TMEM108: variants seen among roughly 807,000 people sequenced by gnomAD.
TMEM108 encodes transmembrane protein 108.
TMEM108 carries 12 observed loss-of-function variants against 35.1 expected under a neutral mutation model. That is an observed-to-expected ratio of 0.34 (90% CI 0.22 to 0.55). The LOEUF (loss-of-function observed/expected upper bound fraction) is 0.55, where lower values mean the gene tolerates loss of function less well. TMEM108 is among the 20% of genes least tolerant of loss of function. TMEM108 has a pLI of 0.89. For synonymous variants in TMEM108, 287 were observed against 308.6 expected (o/e 0.93, Z 0.73); for missense variants, 680 against 753.3 (o/e 0.90, Z 1.14).
At chr3:133,190,357 A>T (rs1348436424) in intron 2 of TMEM108, among the ~76,000 whole-genome samples, 1 of 152,176 alleles carries the variant, frequency 6.6e-6, no homozygotes. Flanking sequence ...TCATTTTCCT[A>T]TCAAGAAAAT....
intron 1 of TMEM108, among the ~76,000 whole-genome samples, chr3:133,044,861 G>GT (rs1442780673): frequency 1.3e-5 from 2 of 152,162 alleles, no homozygotes; most frequent in African/African-American, 4.8e-5. Flanking sequence ...GGAGGCTGAG[G>GT]TGCGAGGATC....
intron 3 of TMEM108, among the ~76,000 whole-genome samples, chr3:133,379,262 G>A (rs2072931385): frequency 6.6e-6 from 1 of 152,196 alleles, no homozygotes; most frequent in Non-Finnish European, 1.5e-5. Context: ...TCAGAAAAGG[G>A]CATAAGAGTT....
chr3:133,116,339 A>T (rs893788003), intron 2 of TMEM108, among the ~76,000 whole-genome samples: 2 of 152,202 alleles, frequency 1.3e-5, no homozygotes, highest in Admixed American at 6.5e-5. Flanking sequence ...CTGATGTCTT[A>T]TACTTCTTAG....
intron 3 of TMEM108, among the ~76,000 whole-genome samples, chr3:133,356,768 T>C (rs1331700423): frequency 6.6e-6 from 1 of 152,184 alleles, no homozygotes; most frequent in African/African-American, 2.4e-5. Context: ...GCAAGTCATA[T>C]GTAGAAGAAT....
At chr3:133,064,886 T>C (rs562686551) in intron 2 of TMEM108, among the ~76,000 whole-genome samples, 11 of 152,142 alleles carry the variant, frequency 7.2e-5, no homozygotes, top group Admixed American at 2.6e-4. Flanking sequence ...CAGCCAAAGT[T>C]GGTTTACTGG....
At position 133,060,037 on chromosome 3, in the gene TMEM108, A is replaced by AT. The variant is rs573270612; in HGVS notation, c.-47+14023dup. Among the ~76,000 whole-genome samples, 314 of 151,834 alleles carry AT rather than the reference A, an allele frequency of 2.1e-3. 1 individual carries two copies. The highest frequency in any genetic ancestry group is 7.2e-3 in the African/African-American group (299 of 41,246). On this transcript the variant is annotated intron_variant, in intron 2 of 5. Transcript: ENST00000321871. The stretch of plus-strand genomic sequence containing the variant: ...TAGAGGTCATCTGGTTTACCACCTC[A>AT]TTTTTTGATCATCAGTTTATTTGTT...
At chr3:133,108,226 A>C (rs766168736) in intron 2 of TMEM108, among the ~76,000 whole-genome samples, 1 of 152,058 alleles carries the variant, frequency 6.6e-6, no homozygotes, top group Non-Finnish European at 1.5e-5. Flanking sequence ...GTGACACTTC[A>C]TCTTAAAAAA....
At chr3:133,136,705 G>A (rs2107750680) in intron 2 of TMEM108, among the ~76,000 whole-genome samples, 1 of 152,314 alleles carries the variant, frequency 6.6e-6, no homozygotes, top group Non-Finnish European at 1.5e-5. Context: ...GGTAGGAAGA[G>A]GATCCCGTCA....
chr3:133,343,929 A>T (rs1001549161), intron 3 of TMEM108, among the ~76,000 whole-genome samples: 1 of 151,886 alleles, frequency 6.6e-6, no homozygotes, highest in Non-Finnish European at 1.5e-5. Context: ...TTTAAACTGC[A>T]TAGGTCTACT....
intron 3 of TMEM108, among the ~76,000 whole-genome samples, chr3:133,302,289 A>G (rs951333332): frequency 6.6e-6 from 1 of 152,188 alleles, no homozygotes; most frequent in Non-Finnish European, 1.5e-5. Flanking sequence ...GGGTGTGCAC[A>G]CACACACACT....
intron 3 of TMEM108, among the ~76,000 whole-genome samples, chr3:133,364,243 C>T (rs2072439638): frequency 6.6e-6 from 1 of 152,224 alleles, no homozygotes; most frequent in Non-Finnish European, 1.5e-5. Context: ...TTACCACAAG[C>T]CTTTCCTGCT....
chr3:133,112,050 C>G (rs1944231332), intron 2 of TMEM108, among the ~76,000 whole-genome samples: 1 of 152,024 alleles, frequency 6.6e-6, no homozygotes, highest in Non-Finnish European at 1.5e-5. Flanking sequence ...ACATTAAGAG[C>G]AAGACAGTTT....
intron 2 of TMEM108, among the ~76,000 whole-genome samples, chr3:133,086,558 A>T (rs1943884297): frequency 6.6e-6 from 1 of 152,200 alleles, no homozygotes; most frequent in Admixed American, 6.5e-5. Context: ...AGTTTAATGA[A>T]CTATTACGAG....
intron 2 of TMEM108, among the ~76,000 whole-genome samples, chr3:133,158,638 T>G (rs1403906856): frequency 6.6e-6 from 1 of 152,100 alleles, no homozygotes; most frequent in South Asian, 2.1e-4. Context: ...TAGTGAAGTG[T>G]GATTGAACTT....
intron 2 of TMEM108, among the ~76,000 whole-genome samples, chr3:133,131,890 TAG>T (rs2107745445): frequency 6.6e-6 from 1 of 152,116 alleles, no homozygotes; most frequent in African/African-American, 2.4e-5. Context: ...CAGATATATA[TAG>T]AGAGAGTGAG....
intron 2 of TMEM108, among the ~76,000 whole-genome samples, chr3:133,085,436 A>G (rs1943869454): frequency 6.6e-6 from 1 of 152,234 alleles, no homozygotes; most frequent in African/African-American, 2.4e-5. Flanking sequence ...GCACTGAAAC[A>G]GATCACTGAT....
chr3:133,189,931 G>A (rs1945474702), intron 2 of TMEM108, among the ~76,000 whole-genome samples: 2 of 152,014 alleles, frequency 1.3e-5, no homozygotes, highest in South Asian at 4.1e-4. Flanking sequence ...ATTATTATTG[G>A]GTATGCAAAT....
Position 133,380,671 on chromosome 3 carries a change from C to T in TMEM108, c.960C>T (p.Pro320=), listed in dbSNP as rs2072984693. 1.2e-6 allele frequency: 2 copies of T among 1,614,158 alleles called. No individual in the cohort carries two copies. Among genetic ancestry groups the T allele is most frequent in the East Asian group, 4.5e-5 (2 of 44,886 alleles). The change falls in exon 4 of 6, where the codon CCC becomes CCT. Residue 320 remains proline (P), a synonymous_variant. Coordinates refer to ENST00000321871, the MANE Select transcript of TMEM108 (RefSeq NM_023943.4). This position sits in a 1 kb window ranked among gnomAD's most constrained non-coding sequence, Gnocchi z 5.3. Reference sequence around the variant, plus strand: ...CTGCCCCAGTGCCTTCTCAGCGCCCCCACCACGGTGACCCACAGGATGGCC... The same window carrying T: ...CTGCCCCAGTGCCTTCTCAGCGCCCTCACCACGGTGACCCACAGGATGGCC... ...PQAAPVPSQR[P]HHGDPQDGPS...
At chr3:133,353,721 T>G (rs896205643) in intron 3 of TMEM108, among the ~76,000 whole-genome samples, 2 of 152,186 alleles carry the variant, frequency 1.3e-5, no homozygotes, top group African/African-American at 4.8e-5. Flanking sequence ...GAGGAAGTAA[T>G]CACTTCTTAA....
Sources: gnomAD v4.1 joint callset for allele counts (sites outside exome capture counted in the v4.1 genomes callset) on GRCh38, gnomAD v4.1.1 for gene constraint, Gnocchi (gnomAD v3.1) non-coding constraint, MANE v1.5 for transcripts, NCBI Gene and HGNC (gene_info 2026-07-23, HGNC 2026-07-21) for gene names.